Variants in ZC3H18 observed in about 807,000 individuals in gnomAD.
ZC3H18 encodes zinc finger CCCH-type containing 18.
In ZC3H18, 8 loss-of-function variants were observed where a neutral mutation model predicts 106.1. The observed-to-expected ratio is 0.08, with a 90% confidence interval of 0.04 to 0.14. ZC3H18 has a LOEUF of 0.14. Ranked by LOEUF, ZC3H18 falls within the 10% of genes least tolerant of loss-of-function variation. The pLI, the probability that ZC3H18 is intolerant of heterozygous loss-of-function variation, is 1.00. For synonymous variants in ZC3H18, 635 were observed against 522.1 expected (o/e 1.22, Z -2.95); for missense variants, 1,318 against 1,278.4 (o/e 1.03, Z -0.47).
intron 5 of ZC3H18, 128 bp downstream of exon 5, chr16:88,598,840 G>T: frequency 1.3e-6 from 1 of 753,462 alleles, no homozygotes. Context: ...CTGTTTCTGT[G>T]GTGTCTTTCT....
chr16:88,611,272 G>A lies in ZC3H18; in HGVS notation c.1211G>A (p.Arg404Lys), dbSNP rs774839982. 2.1e-5 allele frequency: 16 copies of A among 768,342 alleles called. No individual in the cohort carries two copies. Among genetic ancestry groups the A allele is most frequent in the Non-Finnish European group, 3.6e-5 (15 of 412,260 alleles). The allele number at this position is 768,342 out of a possible 1,614,324, so 47.6% of individuals were successfully genotyped here. A position where few individuals can be genotyped will look rare whatever the true frequency, so the allele number is the denominator to read the frequency against. The change falls in exon 8 of 18, where the codon AGG becomes AAG. Residue 404 changes from arginine (R) to lysine (K), a missense_variant. Arg to Lys is a conservative substitution (Grantham distance 26). Transcript: ENST00000301011. ...ETEPYHNYRE[R>K]ERERERENRQ... ...GTGTTTGGCTTTTTAACAAAGGAAA[G>A]GGAGCGGGAGCGAGAGAGAGAGAAC... is the stretch of plus-strand genomic sequence containing the variant.
intron 8 of ZC3H18, among the ~76,000 whole-genome samples, chr16:88,616,555 C>A (rs1291988724): frequency 6.6e-6 from 1 of 152,178 alleles, no homozygotes; most frequent in Non-Finnish European, 1.5e-5. Context: ...CAAGGGTTTC[C>A]CCAGCGCAGA....
At chr16:88,623,373 T>C in intron 10 of ZC3H18, 29 bp downstream of exon 10, 1 of 1,609,396 alleles carries the variant, frequency 6.2e-7, no homozygotes. Context: ...TGAAGGGCCC[T>C]CAGCAGGTGC....
intron 8 of ZC3H18, among the ~76,000 whole-genome samples, chr16:88,618,003 T>C (rs1401368770): frequency 1.3e-5 from 2 of 152,260 alleles, no homozygotes; most frequent in Admixed American, 6.5e-5. Context: ...ACCAGCCTTC[T>C]GGGTAAGGGA....
chr16:88,625,472 C>T (rs1327023251), intron 13 of ZC3H18: 2 of 617,112 alleles, frequency 3.2e-6, no homozygotes, highest in Admixed American at 3.0e-5. Flanking sequence ...AGACCCCCTC[C>T]CCCCACCAAA....
rs1906063328 is a variant in ZC3H18, at chr16:88,623,042, T to C, written c.1668-177T>C. 3.6e-6 allele frequency: 3 copies of C among 828,216 alleles called. No homozygotes were observed. The East Asian group carries it at 8.3e-5, about 23-fold the overall frequency. The allele number at this position is 828,216 out of a possible 1,614,324, so 51.3% of individuals were successfully genotyped here. ...CAAGGAGGGATGGCACTGAAGAGTG[T>C]CTGGGGGAGGCTGTATGCGTCTGTG... is the stretch of plus-strand genomic sequence containing the variant. On this transcript the variant is annotated intron_variant, in intron 9 of 17. Transcript: ENST00000301011.
chr16:88,625,677 A>T (rs1383629209), intron 13 of ZC3H18: 2 of 206,258 alleles, frequency 9.7e-6, no homozygotes, highest in South Asian at 7.6e-5. Flanking sequence ...GGGGAAGCCG[A>T]TAAAAACATC....
Position 88,623,472 on chromosome 16 carries a change from G to C in ZC3H18, c.1793+128G>C, listed in dbSNP as rs1906098351. On this transcript the variant is annotated intron_variant, in intron 10 of 17. Coordinates refer to ENST00000301011, the MANE Select transcript of ZC3H18 (RefSeq NM_144604.4). ...AAGGTCCCTGCTGGCAGCTGAACTAGGATGGCCAGGGGGTCGTGTCCTGTG... is the reference window on the plus strand; with the variant it reads ...AAGGTCCCTGCTGGCAGCTGAACTACGATGGCCAGGGGGTCGTGTCCTGTG... 1.7e-5 allele frequency: 22 copies of C among 1,297,562 alleles called. 1 individual carries two copies. In the South Asian group the frequency reaches 2.3e-4, roughly 14 times the overall value. The allele number at this position is 1,297,562 out of a possible 1,614,324, so 80.4% of individuals were successfully genotyped here. A position where few individuals can be genotyped will look rare whatever the true frequency, so the allele number is the denominator to read the frequency against.
At chr16:88,618,571 G>T (rs1420130632) in intron 8 of ZC3H18, among the ~76,000 whole-genome samples, 2 of 152,234 alleles carry the variant, frequency 1.3e-5, no homozygotes, top group Non-Finnish European at 2.9e-5. Flanking sequence ...GGCGCCTCGT[G>T]TGGCTGCTGG....
At chr16:88,580,060 G>A (rs1287612959) in intron 2 of ZC3H18, among the ~76,000 whole-genome samples, 1 of 152,106 alleles carries the variant, frequency 6.6e-6, no homozygotes, top group Non-Finnish European at 1.5e-5. Flanking sequence ...ACGCCCAGCA[G>A]CGTTTCAGGC....
chr16:88,627,065 C>T lies in ZC3H18; in HGVS notation c.2109-557C>T, dbSNP rs780250012. On this transcript the variant is annotated intron_variant, in intron 13 of 17. Coordinates refer to ENST00000301011, the MANE Select transcript of ZC3H18 (RefSeq NM_144604.4). The surrounding 1 kb of genome is among the most constrained non-coding windows in gnomAD (Gnocchi z 4.5). Reference sequence around the variant, plus strand: ...CCTTCCCAAAAAGCAACCTGACATTCGTTTTGTTTTTTGTTTGTTTTGAGA... The same window carrying T: ...CCTTCCCAAAAAGCAACCTGACATTTGTTTTGTTTTTTGTTTGTTTTGAGA... The T allele has an allele frequency of 6.6e-6, 1 of 152,352 alleles. No homozygotes were observed. Among genetic ancestry groups the T allele is most frequent in the Non-Finnish European group, 1.5e-5 (1 of 68,212 alleles). The allele number at this position is 152,352 out of a possible 1,614,324, so 9.4% of individuals were successfully genotyped here. A position where few individuals can be genotyped will look rare whatever the true frequency, so the allele number is the denominator to read the frequency against.
At chr16:88,576,305 G>A (rs1229159916) in intron 1 of ZC3H18, among the ~76,000 whole-genome samples, 1 of 152,124 alleles carries the variant, frequency 6.6e-6, no homozygotes. Flanking sequence ...ACCTCCCAAA[G>A]TGCTGAGATT....
At chr16:88,615,847 G>A (rs1905566535) in intron 8 of ZC3H18, among the ~76,000 whole-genome samples, 1 of 152,192 alleles carries the variant, frequency 6.6e-6, no homozygotes, top group African/African-American at 2.4e-5. Context: ...TTCCCAGTCA[G>A]GAGTCTGTAA....
Position 88,627,780 on chromosome 16 carries a change from A to G in ZC3H18, c.2267A>G (p.Lys756Arg). The change falls in exon 14 of 18, where the codon AAA becomes AGA. Residue 756 changes from lysine to arginine, a missense_variant and splice_region_variant. Lys to Arg is a conservative substitution (Grantham distance 26). Transcript: ENST00000301011. This position sits in a 1 kb window ranked among gnomAD's most constrained non-coding sequence, Gnocchi z 4.5. ...SPAPAQTRKE[K>R]GKSKKEDGVK... ...GCCCCAGCCCAGACCAGGAAGGAGAAAGGTACTCAGGAGCCCTGGTACCTT... is the reference window on the plus strand; with the variant it reads ...GCCCCAGCCCAGACCAGGAAGGAGAGAGGTACTCAGGAGCCCTGGTACCTT... 1 of 1,610,688 alleles carries G rather than the reference A, an allele frequency of 6.2e-7. No homozygotes were observed. The highest frequency in any genetic ancestry group is 8.5e-7 in the Non-Finnish European group (1 of 1,177,694).
At chr16:88,579,770 C>T (rs576831678) in intron 2 of ZC3H18, among the ~76,000 whole-genome samples, 193 of 152,288 alleles carry the variant, frequency 1.3e-3, no homozygotes, top group African/African-American at 4.1e-3. Flanking sequence ...CCTTGGCAAA[C>T]GGGGAGGCAG....
intron 8 of ZC3H18, among the ~76,000 whole-genome samples, chr16:88,617,491 TCACCGCCGAGG>T (rs1334507537): frequency 1.2e-4 from 19 of 152,382 alleles, no homozygotes; most frequent in African/African-American, 4.6e-4. Flanking sequence ...ATGGGTGTGC[TCACCGCCGAGG>T]CACGTCATTA....
Position 88,631,310 on chromosome 16 carries a change from G to A in ZC3H18, c.*11G>A, listed in dbSNP as rs116716664. On this transcript the variant is annotated 3_prime_UTR_variant, in exon 18 of 18. Coordinates refer to ENST00000301011, the MANE Select transcript of ZC3H18 (RefSeq NM_144604.4). ...CCCGGGAAAGCATAGGCCGTGCCCC[G>A]ACCGGACTGGACGCATTTTTATACA... is the stretch of plus-strand genomic sequence containing the variant. 8.4e-4 allele frequency: 1,308 copies of A among 1,560,236 alleles called. 13 individuals carry two copies. The African/African-American group carries it at 0.014, about 17-fold the overall frequency.
chr16:88,620,289 T>G (rs565552978), intron 8 of ZC3H18, among the ~76,000 whole-genome samples: 1 of 152,324 alleles, frequency 6.6e-6, no homozygotes, highest in East Asian at 1.9e-4. Flanking sequence ...TAAAACAGCT[T>G]TTTAAAATGT....
intron 2 of ZC3H18, 112 bp from the exon 3 acceptor site, chr16:88,586,488 C>A: frequency 1.2e-6 from 1 of 865,984 alleles, no homozygotes; most frequent in Non-Finnish European, 1.9e-6. Flanking sequence ...GAATTCAATT[C>A]CTGTGACAAT....
Sources: gnomAD v4.1 joint callset for allele counts (sites outside exome capture counted in the v4.1 genomes callset) on GRCh38, gnomAD v4.1.1 for gene constraint, Gnocchi (gnomAD v3.1) non-coding constraint, MANE v1.5 for transcripts, NCBI Gene and HGNC (gene_info 2026-07-23, HGNC 2026-07-21) for gene names.